CFAP300: variants seen among roughly 807,000 people sequenced by gnomAD.
CFAP300 encodes cilia and flagella associated protein 300, also known as cilia- and flagella-associated protein 300.
CFAP300 carries 32 observed loss-of-function variants against 33.0 expected under a neutral mutation model. The ratio of observed to expected loss-of-function variants is 0.97; its 90% CI spans 0.73 to 1.30. The LOEUF (loss-of-function observed/expected upper bound fraction) is 1.30. Among genes scored for constraint, CFAP300 ranks in the 50% most tolerant of loss-of-function variants. CFAP300 has a pLI of 0.00. For missense variants in CFAP300, 356 were observed against 318.1 expected (o/e 1.12, Z -0.90); for synonymous variants, 102 against 106.8 (o/e 0.95, Z 0.28).
intron 2 of CFAP300, among the ~76,000 whole-genome samples, chr11:102,054,848 T>C (rs957427450): frequency 3.3e-5 from 5 of 152,076 alleles, no homozygotes; most frequent in African/African-American, 1.2e-4. Flanking sequence ...TGAAACTATT[T>C]ATAGTAACAA....
intron 2 of CFAP300, among the ~76,000 whole-genome samples, chr11:102,048,416 C>G (rs1354345386): frequency 6.6e-6 from 1 of 152,058 alleles, no homozygotes; most frequent in African/African-American, 2.4e-5. Context: ...GGCAGAGTCT[C>G]ACTATGTTAC....
intron 4 of CFAP300, among the ~76,000 whole-genome samples, chr11:102,069,609 C>G (rs931862175): frequency 2.0e-5 from 3 of 151,900 alleles, no homozygotes; most frequent in African/African-American, 7.3e-5. Context: ...ATAAGACTAG[C>G]CTGGCCAACA....
intron 5 of CFAP300, 175 bp downstream of exon 5, chr11:102,076,220 A>G: frequency 1.9e-6 from 1 of 535,652 alleles, no homozygotes; most frequent in Non-Finnish European, 2.9e-6. Context: ...GAATAGAAAG[A>G]TTTCTGGATT....
At chr11:102,062,666 A>C (rs1417091611) in intron 3 of CFAP300, among the ~76,000 whole-genome samples, 1 of 152,226 alleles carries the variant, frequency 6.6e-6, no homozygotes, top group East Asian at 1.9e-4. Context: ...TTGCAGAAGG[A>C]ATTGTTAACC....
intron 4 of CFAP300, among the ~76,000 whole-genome samples, chr11:102,070,848 T>C (rs1942303496): frequency 6.6e-6 from 1 of 152,192 alleles, no homozygotes; most frequent in African/African-American, 2.4e-5. Flanking sequence ...TGTATTTGTA[T>C]AGTTTCCAAA....
chr11:102,075,504 C>T (rs75069755), intron 4 of CFAP300, among the ~76,000 whole-genome samples: 22 of 152,284 alleles, frequency 1.4e-4, no homozygotes, highest in African/African-American at 4.6e-4. Flanking sequence ...GAAGCCAAGA[C>T]GGAGGCCTTA....
chr11:102,073,819 G>A (rs1292925165), intron 4 of CFAP300, among the ~76,000 whole-genome samples: 2 of 152,116 alleles, frequency 1.3e-5, no homozygotes, highest in Admixed American at 6.5e-5. Context: ...CCAAGGGAAT[G>A]GGGGGTACAA....
intron 2 of CFAP300, among the ~76,000 whole-genome samples, chr11:102,057,075 C>T (rs1221875179): frequency 2.0e-5 from 3 of 151,820 alleles, no homozygotes; most frequent in East Asian, 1.9e-4. Flanking sequence ...CGGTGACTCA[C>T]GCCTGTAATC....
intron 2 of CFAP300, among the ~76,000 whole-genome samples, chr11:102,051,391 G>A (rs781007369): frequency 6.6e-6 from 1 of 152,106 alleles, no homozygotes; most frequent in Non-Finnish European, 1.5e-5. Flanking sequence ...GGAAGCCTGC[G>A]CAACGCTTCT....
chr11:102,073,718 G>A (rs1232757304), intron 4 of CFAP300, among the ~76,000 whole-genome samples: 1 of 152,028 alleles, frequency 6.6e-6, no homozygotes, highest in Non-Finnish European at 1.5e-5. Context: ...ACACATTTCA[G>A]CCCCCAGCAA....
chr11:102,047,476 T>C lies in CFAP300; in HGVS notation c.6T>C (p.Ala2=), dbSNP rs1339518462. 5.2e-6 allele frequency: 8 copies of C among 1,535,896 alleles called. No individual in the cohort carries two copies. Among genetic ancestry groups the C allele is most frequent in the South Asian group, 3.6e-5 (3 of 84,068 alleles). ...TCCACCCAGCCGAGAGCACGATGGC[T>C]ACTGGGGAGCTCGGGGACTTGGGTG... M[A]TGELGDLGGY... is the part of the protein sequence containing the mutation. The change falls in exon 1 of 7, where the codon GCT becomes GCC. Residue 2 remains alanine, a synonymous_variant. Transcript: ENST00000434758.
intron 4 of CFAP300, among the ~76,000 whole-genome samples, chr11:102,067,879 TC>T (rs1456774673): frequency 3.3e-5 from 5 of 152,052 alleles, no homozygotes; most frequent in African/African-American, 1.2e-4. Flanking sequence ...TGCACCCCAG[TC>T]TGGGCAACAG....
intron 2 of CFAP300, among the ~76,000 whole-genome samples, chr11:102,053,132 G>C (rs1278909687): frequency 6.6e-6 from 1 of 152,116 alleles, no homozygotes; most frequent in Admixed American, 6.6e-5. Context: ...AGGAGGCTGA[G>C]GCAGGAGAAT....
chr11:102,058,405 G>A (rs1235296092), intron 2 of CFAP300, among the ~76,000 whole-genome samples: 1 of 151,700 alleles, frequency 6.6e-6, no homozygotes, highest in East Asian at 1.9e-4. Context: ...AACTACAAAA[G>A]GATCTGGAAC....
chr11:102,048,328 C>T (rs1408523863), intron 2 of CFAP300, among the ~76,000 whole-genome samples: 4 of 152,174 alleles, frequency 2.6e-5, no homozygotes, highest in East Asian at 1.9e-4. Context: ...CTGGACCTCC[C>T]GGGCTCAAGC....
At chr11:102,053,216 G>A (rs1237655973) in intron 2 of CFAP300, among the ~76,000 whole-genome samples, 2 of 149,246 alleles carry the variant, frequency 1.3e-5, no homozygotes, top group African/African-American at 5.0e-5. Flanking sequence ...GCGACAGAGT[G>A]AAACTCCTTC....
At chr11:102,056,554 T>G (rs1048539604) in intron 2 of CFAP300, among the ~76,000 whole-genome samples, 6 of 152,116 alleles carry the variant, frequency 3.9e-5, no homozygotes, top group Non-Finnish European at 5.9e-5. Flanking sequence ...CTCTTGAAAT[T>G]GAGCATCTTT....
At chr11:102,073,254 T>C (rs889568640) in intron 4 of CFAP300, among the ~76,000 whole-genome samples, 5 of 152,106 alleles carry the variant, frequency 3.3e-5, no homozygotes, top group African/African-American at 1.2e-4. Context: ...TACACACTTA[T>C]ATTAGTGGTG....
intron 4 of CFAP300, among the ~76,000 whole-genome samples, chr11:102,073,669 C>T (rs903408480): frequency 1.3e-4 from 20 of 152,200 alleles, no homozygotes; most frequent in Admixed American, 2.0e-4. Flanking sequence ...CTGTCAGTGG[C>T]TGCAGCCACT....
Sources: allele counts gnomAD v4.1 joint callset (sites outside exome capture counted in the v4.1 genomes callset), GRCh38; gene constraint gnomAD v4.1.1; transcripts MANE v1.5; gene names NCBI Gene and HGNC (gene_info 2026-07-23, HGNC 2026-07-21).